UBR4: variants seen among roughly 807,000 people sequenced by gnomAD.
UBR4 encodes the protein ubiquitin protein ligase E3 component n-recognin 4.
A neutral mutation model predicts 575.6 loss-of-function variants in UBR4; 124 were observed. That is an observed-to-expected ratio of 0.22 (90% CI 0.19 to 0.25). UBR4 has a LOEUF of 0.25. Ranked by LOEUF, UBR4 falls within the 10% of genes least tolerant of loss-of-function variation. The pLI is 1.00. For synonymous variants in UBR4, 2,455 were observed against 2,473.7 expected (o/e 0.99, Z 0.22); for missense variants, 4,818 against 6,478.8 (o/e 0.74, Z 8.80).
chr1:19,095,684 G>A lies in UBR4; in HGVS notation c.13519-32C>T, dbSNP rs752387424. ...AGAAAAGCCAGTCAAAACCCATGAG[G>A]CCACATGAGAGTGTAGGACATGGGG... On this transcript the variant is annotated intron_variant, in intron 92 of 105. Transcript: ENST00000375254. 6 of 1,602,798 alleles carry A rather than the reference G, an allele frequency of 3.7e-6. No homozygotes were observed. The East Asian group carries it at 6.7e-5, about 18-fold the overall frequency.
At position 19,089,875 on chromosome 1, in the gene UBR4, C is replaced by T. The variant is rs781732797; in HGVS notation, c.14212-898G>A. Among the ~76,000 whole-genome samples the T allele has an allele frequency of 6.6e-6, 1 of 152,192 alleles. No homozygotes were observed. Among genetic ancestry groups the T allele is most frequent in the Non-Finnish European group, 1.5e-5 (1 of 68,036 alleles). On this transcript the variant is annotated intron_variant, in intron 97 of 105. Transcript: ENST00000375254. The surrounding 1 kb of genome is among the most constrained non-coding windows in gnomAD (Gnocchi z 4.3). The stretch of plus-strand genomic sequence containing the variant: ...TGTCTCATGCTCCTAAATGCTGAGC[C>T]CATATTTCAACTCCTACTGAGCTTT...
At position 19,110,177 on chromosome 1, in the gene UBR4, C is replaced by G; in HGVS notation, c.12024G>C (p.Val4008=). 1.2e-6 allele frequency: 2 copies of G among 1,614,180 alleles called. No individual in the cohort carries two copies. The highest frequency in any genetic ancestry group is 1.7e-6 in the Non-Finnish European group (2 of 1,180,022). ...LMAVNIKTPV[V]VENITLMCLR... Reference sequence around the variant, plus strand: ...GGCACATGAGGGTAATGTTTTCAACCACCACAGGAGTCTTAATGTTCACAG... The same window carrying G: ...GGCACATGAGGGTAATGTTTTCAACGACCACAGGAGTCTTAATGTTCACAG... Residue 4008 remains valine (V), a synonymous_variant, in exon 81 of 106, where the codon GTG becomes GTC. Transcript: ENST00000375254. The surrounding 1 kb of genome is among the most constrained non-coding windows in gnomAD (Gnocchi z 4.5).
Position 19,110,731 on chromosome 1 carries a change from G to A in UBR4, c.11892+11C>T. On this transcript the variant is annotated intron_variant, in intron 79 of 105. Transcript: ENST00000375254. The surrounding 1 kb of genome is among the most constrained non-coding windows in gnomAD (Gnocchi z 4.5). ...TCAGAGAGGACAGCTGGGCCTGCTA[G>A]GCCGGCTCACCAGATCGGGGTTGGC... The A allele has an allele frequency of 6.2e-7, 1 of 1,613,890 alleles. No individual in the cohort carries two copies. The highest frequency in any genetic ancestry group is 8.5e-7 in the Non-Finnish European group (1 of 1,179,918).
chr1:19,145,485 T>C (rs2084715520), intron 53 of UBR4, among the ~76,000 whole-genome samples: 1 of 134,350 alleles, frequency 7.4e-6, no homozygotes, highest in Non-Finnish European at 1.6e-5. Context: ...CAAAGATTTT[T>C]AAAAACAATT....
At chr1:19,200,821 C>T (rs1403971386) in intron 2 of UBR4, among the ~76,000 whole-genome samples, 1 of 152,146 alleles carries the variant, frequency 6.6e-6, no homozygotes, top group Non-Finnish European at 1.5e-5. Context: ...ACTAATTCTT[C>T]AATGTCCTTT....
At chr1:19,111,685 A>G (rs2079899610) in intron 78 of UBR4, 1 of 148,378 alleles carries the variant, frequency 6.7e-6, no homozygotes, top group Non-Finnish European at 1.5e-5. Flanking sequence ...CAATGGCACG[A>G]TTTCGACTCA....
intron 78 of UBR4, chr1:19,112,125 G>A (rs2149315414): frequency 5.4e-6 from 1 of 184,014 alleles, no homozygotes. Context: ...AAGGCGTATA[G>A]TACAAGGTAT....
chr1:19,174,272 A>G (rs1329750157), intron 22 of UBR4, 47 bp downstream of exon 22: 2 of 1,564,532 alleles, frequency 1.3e-6, no homozygotes, highest in Non-Finnish European at 1.7e-6. Context: ...AGAAATGATC[A>G]ATGATCAAAC....
At chr1:19,158,383 A>G (rs1031639307) in intron 39 of UBR4, among the ~76,000 whole-genome samples, 1 of 152,166 alleles carries the variant, frequency 6.6e-6, no homozygotes, top group Admixed American at 6.5e-5. Context: ...CTAAAAACCA[A>G]TGCTCTAAAA....
chr1:19,147,074 C>G (rs917391280), intron 51 of UBR4, 74 bp from the exon 52 acceptor site: 46 of 1,473,650 alleles, frequency 3.1e-5, no homozygotes, highest in African/African-American at 1.7e-4. Flanking sequence ...GAGAGAAAAG[C>G]TGGCAGATCA....
In UBR4 at chr1:19,165,014, A is replaced by T. The variant is rs2088082247; in HGVS notation, c.4313-17T>A. On this transcript the variant is annotated splice_polypyrimidine_tract_variant and intron_variant, in intron 31 of 105. Transcript: ENST00000375254. The stretch of plus-strand genomic sequence containing the variant: ...TCTTCTCAGCTAGGAGCAGAACAAG[A>T]GGCCAGGGTCAGTAAAGAAGGGCAA... 7 of 1,613,598 alleles carry T rather than the reference A, an allele frequency of 4.3e-6. No individual in the cohort carries two copies. Among genetic ancestry groups the T allele is most frequent in the Non-Finnish European group, 5.9e-6 (7 of 1,179,790 alleles).
Position 19,074,767 on chromosome 1 carries a change from G to A in UBR4, c.*65C>T. The A allele has an allele frequency of 1.3e-6, 2 of 1,563,642 alleles. No homozygotes were observed. Among genetic ancestry groups the A allele is most frequent in the African/African-American group, 1.3e-5 (1 of 74,098 alleles). On this transcript the variant is annotated 3_prime_UTR_variant, in exon 106 of 106. Coordinates refer to ENST00000375254, the MANE Select transcript of UBR4 (RefSeq NM_020765.3). ...CCGCGGAGGGAACTTAATGCACAAG[G>A]AGGGAGAACAGAGGGTGGAAGGCAA...
chr1:19,078,252 A>G, intron 103 of UBR4, 186 bp from the exon 104 acceptor site: 1 of 562,268 alleles, frequency 1.8e-6, no homozygotes. Context: ...GGGACCCAGA[A>G]GTTTATTGGT....
At chr1:19,084,762 G>A in intron 101 of UBR4, 64 bp from the exon 102 acceptor site, 2 of 1,492,416 alleles carry the variant, frequency 1.3e-6, no homozygotes, top group Non-Finnish European at 1.8e-6. Context: ...CAGTTTGGGA[G>A]ACAGAGCCTC....
chr1:19,181,020 CA>C (rs1336666194), intron 17 of UBR4, among the ~76,000 whole-genome samples: 1 of 152,288 alleles, frequency 6.6e-6, no homozygotes, highest in South Asian at 2.1e-4. Context: ...TTTAATTCCT[CA>C]ATTTCAGACT....
chr1:19,093,173 A>G lies in UBR4; in HGVS notation c.14111+140T>C. The G allele has an allele frequency of 8.4e-7, 1 of 1,191,538 alleles. No homozygotes were observed. The highest frequency in any genetic ancestry group is 1.2e-6 in the Non-Finnish European group (1 of 839,296). The allele number at this position is 1,191,538 out of a possible 1,614,324, so 73.8% of individuals were successfully genotyped here. A position where few individuals can be genotyped will look rare whatever the true frequency, so the allele number is the denominator to read the frequency against. On this transcript the variant is annotated intron_variant, in intron 96 of 105. Transcript: ENST00000375254. This position sits in a 1 kb window ranked among gnomAD's most constrained non-coding sequence, Gnocchi z 4.8. Reference sequence around the variant, plus strand: ...CTCTGCAGTGGTTGAATGGTCACCCACATAGTTTCCAGAAGCGGTTGGGAG... The same window carrying G: ...CTCTGCAGTGGTTGAATGGTCACCCGCATAGTTTCCAGAAGCGGTTGGGAG...
chr1:19,077,174 C>T (rs1011229624), intron 104 of UBR4, among the ~76,000 whole-genome samples: 5 of 152,224 alleles, frequency 3.3e-5, no homozygotes, highest in African/African-American at 1.2e-4. Flanking sequence ...ACTTCCCATT[C>T]GCATTCCCCA....
rs779094066 is a variant in UBR4, at chr1:19,148,113, A to G, written c.7509T>C (p.Asn2503=). Residue 2503 remains asparagine (N), a synonymous_variant, in exon 51 of 106, where the codon AAT becomes AAC. Transcript: ENST00000375254. ...GPIIEKERNK[N]AAQELATLLL... ...GCAAAGTGGCCAGCTCCTGAGCAGCATTCTTGTTTCTCTCCTAAGGCAAAA... is the reference window on the plus strand; with the variant it reads ...GCAAAGTGGCCAGCTCCTGAGCAGCGTTCTTGTTTCTCTCCTAAGGCAAAA... 2.5e-6 allele frequency: 4 copies of G among 1,607,676 alleles called. No individual in the cohort carries two copies. The highest frequency in any genetic ancestry group is 3.4e-6 in the Non-Finnish European group (4 of 1,179,004).
At position 19,139,497 on chromosome 1, in the gene UBR4, A is replaced by T. The variant is rs1398341516; in HGVS notation, c.8594-277T>A. 6.6e-6 allele frequency among the ~76,000 whole-genome samples: 1 copy of T among 152,200 alleles called. No individual in the cohort carries two copies. The highest frequency in any genetic ancestry group is 1.5e-5 in the Non-Finnish European group (1 of 68,046). ...CACTGGGTATTTCCTTCACTGTTTT[A>T]CATTACAGTGCAAGTAGAACAGTGC... On this transcript the variant is annotated intron_variant, in intron 58 of 105. Transcript: ENST00000375254. This position sits in a 1 kb window ranked among gnomAD's most constrained non-coding sequence, Gnocchi z 4.2.
Sources: allele counts gnomAD v4.1 joint callset (sites outside exome capture counted in the v4.1 genomes callset), GRCh38; gene constraint gnomAD v4.1.1; non-coding constraint Gnocchi (gnomAD v3.1); transcripts MANE v1.5; gene names NCBI Gene and HGNC (gene_info 2026-07-23, HGNC 2026-07-21).